MNAT1: variants seen among roughly 807,000 people sequenced by gnomAD.
MNAT1 encodes MNAT1 component of CDK activating kinase.
Under a neutral mutation model 42.0 loss-of-function variants are expected in MNAT1, and 43 were observed. The observed-to-expected ratio is 1.02, with a 90% CI of 0.80 to 1.32. The LOEUF (loss-of-function observed/expected upper bound fraction) is 1.32. MNAT1 is among the 40% of genes most tolerant of loss of function. The pLI is 0.00. For missense variants in MNAT1, 306 were observed against 350.4 expected, an observed-to-expected ratio of 0.87 and a Z score of 1.01; for synonymous variants, 118 against 120.0, an observed-to-expected ratio of 0.98 and a Z score of 0.11.
At chr14:60,798,957 AAT>A (rs1387922600) in intron 3 of MNAT1, among the ~76,000 whole-genome samples, 1 of 152,194 alleles carries the variant, frequency 6.6e-6, no homozygotes, top group Non-Finnish European at 1.5e-5. Flanking sequence ...TACTATTAAA[AAT>A]AAGATTATAA....
At chr14:60,961,804 C>T (rs2036598755) in intron 7 of MNAT1, among the ~76,000 whole-genome samples, 1 of 152,098 alleles carries the variant, frequency 6.6e-6, no homozygotes, top group Non-Finnish European at 1.5e-5. Flanking sequence ...TGTCCCCTCA[C>T]TCTTGGAGAT....
chr14:60,908,617 C>T (rs2139520819), intron 7 of MNAT1, among the ~76,000 whole-genome samples: 1 of 152,258 alleles, frequency 6.6e-6, no homozygotes, highest in East Asian at 1.9e-4. Flanking sequence ...ATGATGGTTT[C>T]CAGCTTCATC....
chr14:60,938,080 T>C (rs1169093120), intron 7 of MNAT1, among the ~76,000 whole-genome samples: 2 of 152,230 alleles, frequency 1.3e-5, no homozygotes, highest in African/African-American at 2.4e-5. Context: ...TGATTTTGTA[T>C]CCTGAGACTT....
At chr14:60,770,564 A>G (rs753364271) in intron 1 of MNAT1, among the ~76,000 whole-genome samples, 2 of 152,182 alleles carry the variant, frequency 1.3e-5, no homozygotes, top group Admixed American at 6.5e-5. Context: ...CTTAATTTAT[A>G]TATTTGTTAT....
chr14:60,846,371 A>T (rs1378646538), intron 6 of MNAT1, among the ~76,000 whole-genome samples: 2 of 151,040 alleles, frequency 1.3e-5, no homozygotes, highest in East Asian at 3.9e-4. Flanking sequence ...CAAAGAATCA[A>T]CCTTGGTTTT....
intron 1 of MNAT1, among the ~76,000 whole-genome samples, chr14:60,770,753 A>C (rs1254964682): frequency 1.3e-5 from 2 of 152,164 alleles, no homozygotes; most frequent in Non-Finnish European, 2.9e-5. Context: ...ATTTCTACCA[A>C]AAGGCACAAG....
At chr14:60,887,722 G>C (rs950549307) in intron 7 of MNAT1, among the ~76,000 whole-genome samples, 2 of 151,918 alleles carry the variant, frequency 1.3e-5, no homozygotes, top group Non-Finnish European at 2.9e-5. Flanking sequence ...AAGAACAAAA[G>C]AGAGAAGAAT....
chr14:60,852,284 G>C (rs1245151428), intron 6 of MNAT1, among the ~76,000 whole-genome samples: 2 of 152,190 alleles, frequency 1.3e-5, no homozygotes, highest in African/African-American at 4.8e-5. Flanking sequence ...CTAATGACCA[G>C]TGATAATGAG....
intron 7 of MNAT1, among the ~76,000 whole-genome samples, chr14:60,940,317 C>A (rs1445150064): frequency 6.6e-6 from 1 of 152,230 alleles, no homozygotes; most frequent in East Asian, 1.9e-4. Context: ...GATGCAGTTT[C>A]TTCCTAGCCT....
rs185753296 is a variant in MNAT1 at position 60,791,636 on chromosome 14, G to C, written c.90-4581G>C. On this transcript the variant is annotated intron_variant, in intron 1 of 7. Transcript: ENST00000261245. ...TTAGTTGCTGAGATAAATGAGAAAT[G>C]ATTATCGTAGACAAAGTTAACTGGA... Among the ~76,000 whole-genome samples, 123 of 152,260 alleles carry C rather than the reference G, an allele frequency of 8.1e-4. No individual in the cohort carries two copies. The South Asian group carries it at 8.3e-3, about 10-fold the overall frequency.
intron 3 of MNAT1, among the ~76,000 whole-genome samples, chr14:60,808,122 GTC>G (rs2032434585): frequency 6.6e-6 from 1 of 152,080 alleles, no homozygotes; most frequent in Non-Finnish European, 1.5e-5. Flanking sequence ...GAGTCAGACA[GTC>G]TGTCCTTGTG....
chr14:60,888,587 G>T lies in MNAT1; in HGVS notation c.809+8752G>T, dbSNP rs1365039044. On this transcript the variant is annotated intron_variant, in intron 7 of 7. Transcript: ENST00000261245. ...ACTCCTATTCAACATAGTGTTGGAAGTTCTGGCCAGGGCAATCAGGCAGGA... is the reference window on the plus strand; with the variant it reads ...ACTCCTATTCAACATAGTGTTGGAATTTCTGGCCAGGGCAATCAGGCAGGA... Among the ~76,000 whole-genome samples the T allele has an allele frequency of 5.9e-5, 9 of 151,546 alleles. No individual in the cohort carries two copies. The East Asian group carries it at 1.7e-3, about 29-fold the overall frequency.
At position 60,743,651 on chromosome 14, in the gene MNAT1, A is replaced by G. The variant is rs147430429; in HGVS notation, c.89+8700A>G. On this transcript the variant is annotated intron_variant, in intron 1 of 7. Coordinates refer to ENST00000261245, the MANE Select transcript of MNAT1 (RefSeq NM_002431.4). ...AATATACTCTGATTTTGTTTATAAGAAAGTGTTTTTATTTCACCCTAGTGT... is the reference window on the plus strand; with the variant it reads ...AATATACTCTGATTTTGTTTATAAGGAAGTGTTTTTATTTCACCCTAGTGT... Among the ~76,000 whole-genome samples, 219 of 152,322 alleles carry G rather than the reference A, an allele frequency of 1.4e-3. 1 individual carries two copies. The highest frequency in any genetic ancestry group is 5.1e-3 in the African/African-American group (212 of 41,576).
chr14:60,829,336 G>C (rs2033151745), intron 6 of MNAT1, among the ~76,000 whole-genome samples: 1 of 152,132 alleles, frequency 6.6e-6, no homozygotes, highest in African/African-American at 2.4e-5. Context: ...CAAATGCCTA[G>C]TAACTCTTTC....
At chr14:60,799,627 T>C (rs763664570) in intron 3 of MNAT1, among the ~76,000 whole-genome samples, 6 of 151,568 alleles carry the variant, frequency 4.0e-5, no homozygotes, top group Non-Finnish European at 8.8e-5. Context: ...AGGTGAGGAA[T>C]AGGTTTAGGG....
chr14:60,895,598 G>A (rs764649651), intron 7 of MNAT1, among the ~76,000 whole-genome samples: 28 of 152,082 alleles, frequency 1.8e-4, no homozygotes, highest in Non-Finnish European at 3.7e-4. Context: ...TTCCTACAAA[G>A]GGAACTAGTT....
chr14:60,911,597 G>T (rs1395581678), intron 7 of MNAT1, among the ~76,000 whole-genome samples: 2 of 152,272 alleles, frequency 1.3e-5, no homozygotes, highest in South Asian at 2.1e-4. Context: ...TAGTTCAGGA[G>T]CAGGTTGTTC....
At chr14:60,914,504 A>G (rs903392464) in intron 7 of MNAT1, among the ~76,000 whole-genome samples, 3 of 151,678 alleles carry the variant, frequency 2.0e-5, no homozygotes, top group African/African-American at 4.8e-5. Flanking sequence ...GTTATTTTTA[A>G]TTTCATGGTT....
chr14:60,935,352 CTCTT>C (rs936566343), intron 7 of MNAT1, among the ~76,000 whole-genome samples: 1 of 132,384 alleles, frequency 7.6e-6, no homozygotes, highest in Non-Finnish European at 1.6e-5. Flanking sequence ...TCTTCTTTCT[CTCTT>C]TCTTAGCATT....
Sources: allele counts gnomAD v4.1 joint callset (sites outside exome capture counted in the v4.1 genomes callset), GRCh38; gene constraint gnomAD v4.1.1; transcripts MANE v1.5; gene names NCBI Gene and HGNC (gene_info 2026-07-23, HGNC 2026-07-21).